The following PICALM variants were observed in gnomAD, a reference collection of about 807,000 sequenced individuals.
The protein encoded by PICALM is phosphatidylinositol-binding clathrin assembly protein.
PICALM carries 40 observed loss-of-function variants against 80.5 expected under a neutral mutation model. The observed-to-expected ratio is 0.50, with a 90% confidence interval of 0.39 to 0.65. The LOEUF is 0.65. Ranked by LOEUF, PICALM falls within the 30% of genes least tolerant of loss-of-function variation. The pLI is 0.00. For synonymous variants in PICALM, 288 were observed against 260.3 expected, an observed-to-expected ratio of 1.11 and a Z score of -1.02; for missense variants, 676 against 778.9, an observed-to-expected ratio of 0.87 and a Z score of 1.57.
chr11:86,000,573 G>C, intron 11 of PICALM, 70 bp downstream of exon 11: 2 of 1,324,232 alleles, frequency 1.5e-6, no homozygotes, highest in Non-Finnish European at 2.1e-6. Flanking sequence ...AACCTGAAAA[G>C]TTCTGCAAAA....
intron 1 of PICALM, among the ~76,000 whole-genome samples, chr11:86,059,304 G>A (rs2096318851): frequency 6.6e-6 from 1 of 152,130 alleles, no homozygotes; most frequent in Non-Finnish European, 1.5e-5. Context: ...GAACAATACC[G>A]AAAACAATTC....
At position 85,957,780 on chromosome 11, in the gene PICALM, C is replaced by T. The variant is rs540314632; in HGVS notation, c.*1266G>A. 7.8e-5 allele frequency: 17 copies of T among 217,814 alleles called. No homozygotes were observed. Among genetic ancestry groups the T allele is most frequent in the Admixed American group, 7.0e-4 (12 of 17,230 alleles). 13.5% of individuals were successfully genotyped at this position (217,814 alleles called of 1,614,324 possible). A position where few individuals can be genotyped will look rare whatever the true frequency, so the allele number is the denominator to read the frequency against. On this transcript the variant is annotated 3_prime_UTR_variant, in exon 20 of 20. Coordinates refer to ENST00000393346, the MANE Select transcript of PICALM (RefSeq NM_007166.4). ...AATAGAATCTGCAGAGACAATGCAACAAGAATGCTTAAACTCATGTACAGA... is the reference window on the plus strand; with the variant it reads ...AATAGAATCTGCAGAGACAATGCAATAAGAATGCTTAAACTCATGTACAGA...
chr11:86,017,867 T>C (rs1263298967), intron 4 of PICALM, among the ~76,000 whole-genome samples: 1 of 152,202 alleles, frequency 6.6e-6, no homozygotes. Flanking sequence ...GCATCAGGTA[T>C]GTAACCCACT....
intron 17 of PICALM, among the ~76,000 whole-genome samples, chr11:85,979,048 TCAACTGCTTTG>T (rs2094361500): frequency 6.6e-6 from 1 of 152,172 alleles, no homozygotes. Flanking sequence ...AATCTGCTTT[TCAACTGCTTTG>T]CACTTAGGGA....
rs776223806 is a variant in PICALM, at chr11:86,007,626, T to C, written c.766-43A>G. ...TATTTAATAAATTATAATAAAAATA[T>C]TTTATAAATAAAATTTGGAAAAATG... On this transcript the variant is annotated intron_variant, in intron 7 of 19. Transcript: ENST00000393346. 23 of 914,660 alleles carry C rather than the reference T, an allele frequency of 2.5e-5. 1 individual carries two copies. Among genetic ancestry groups the C allele is most frequent in the Admixed American group, 8.3e-5 (3 of 36,090 alleles). 56.7% of individuals were successfully genotyped at this position (914,660 alleles called of 1,614,324 possible).
intron 1 of PICALM, among the ~76,000 whole-genome samples, chr11:86,063,925 G>A (rs750127162): frequency 6.6e-6 from 1 of 151,334 alleles, no homozygotes; most frequent in Non-Finnish European, 1.5e-5. Flanking sequence ...AAGATATCCT[G>A]GGACAGATCT....
At chr11:86,008,945 A>G (rs1467515912) in intron 7 of PICALM, among the ~76,000 whole-genome samples, 2 of 142,946 alleles carry the variant, frequency 1.4e-5, no homozygotes, top group African/African-American at 5.1e-5. Context: ...AGGAAAAAAA[A>G]AAAAGCCAAA....
chr11:86,066,594 T>C (rs1369513199), intron 1 of PICALM, among the ~76,000 whole-genome samples: 1 of 152,164 alleles, frequency 6.6e-6, no homozygotes, highest in East Asian at 1.9e-4. Context: ...TCTCCTCTTT[T>C]TGACAATGCT....
chr11:85,997,292 C>T lies in PICALM; in HGVS notation c.1155-363G>A, dbSNP rs560254573. Among the ~76,000 whole-genome samples the T allele has an allele frequency of 5.9e-5, 9 of 152,210 alleles. No homozygotes were observed. In the South Asian group the frequency reaches 1.9e-3, roughly 32 times the overall value. On this transcript the variant is annotated intron_variant, in intron 11 of 19. Transcript: ENST00000393346. ...TATTTTTAATAAAACTCTTTTCTTA[C>T]TTTTAATATTCACAGAACTTGAATC...
chr11:86,020,108 C>G (rs1043383631), intron 4 of PICALM, among the ~76,000 whole-genome samples: 2 of 152,076 alleles, frequency 1.3e-5, no homozygotes, highest in Non-Finnish European at 2.9e-5. Context: ...ATTCATGTGA[C>G]TGGATCATGT....
At chr11:85,980,900 A>T (rs1461702869) in intron 17 of PICALM, among the ~76,000 whole-genome samples, 2 of 152,224 alleles carry the variant, frequency 1.3e-5, no homozygotes, top group African/African-American at 4.8e-5. Context: ...AAACATTATT[A>T]TTTACTGGAA....
intron 1 of PICALM, among the ~76,000 whole-genome samples, chr11:86,045,519 CAAAAAAAA>C (rs71040207): frequency 0.12 from 5,802 of 47,818 alleles, 263 homozygotes; most frequent in African/African-American, 0.21. Flanking sequence ...TCTTGAAATT[CAAAAAAAA>C]AAAAAAAAAA....
At chr11:85,967,289 C>T (rs1331587896) in intron 19 of PICALM, among the ~76,000 whole-genome samples, 1 of 152,156 alleles carries the variant, frequency 6.6e-6, no homozygotes, top group Admixed American at 6.5e-5. Context: ...CACTGATGTT[C>T]GTCATGAAGA....
At chr11:86,046,738 G>A (rs1277646810) in intron 1 of PICALM, among the ~76,000 whole-genome samples, 1 of 152,166 alleles carries the variant, frequency 6.6e-6, no homozygotes, top group Non-Finnish European at 1.5e-5. Flanking sequence ...AATAAAGACA[G>A]GGTCTTACTC....
chr11:85,975,159 ACT>A (rs1324758921), intron 18 of PICALM, among the ~76,000 whole-genome samples: 2 of 152,138 alleles, frequency 1.3e-5, no homozygotes, highest in East Asian at 1.9e-4. Flanking sequence ...AAAACTTAAG[ACT>A]CTGTCTTCGC....
At chr11:85,997,001 C>A in intron 11 of PICALM, 72 bp from the exon 12 acceptor site, 2 of 782,454 alleles carry the variant, frequency 2.6e-6, no homozygotes, top group East Asian at 2.6e-5. Context: ...CCTTCTCCAC[C>A]CACCACAGAT....
At chr11:86,000,504 T>C in intron 11 of PICALM, 139 bp downstream of exon 11, 1 of 602,122 alleles carries the variant, frequency 1.7e-6, no homozygotes, top group South Asian at 2.5e-5. Flanking sequence ...ATTATACCAA[T>C]ATCACCATTT....
intron 3 of PICALM, among the ~76,000 whole-genome samples, chr11:86,024,255 A>C (rs2095613199): frequency 6.6e-6 from 1 of 152,008 alleles, no homozygotes; most frequent in Non-Finnish European, 1.5e-5. Flanking sequence ...TCTTGTTAAA[A>C]TATAATGCAT....
chr11:85,959,022 G>A lies in PICALM; in HGVS notation c.*24C>T, dbSNP rs753228147. 27 of 1,579,626 alleles carry A rather than the reference G, an allele frequency of 1.7e-5. No homozygotes were observed. In the Admixed American group the frequency reaches 2.1e-4, roughly 12 times the overall value. ...CTGCTTGAGCACTTGTCTTTTTGGA[G>A]TAATTCCATTTTCTTCCATCAAGTT... On this transcript the variant is annotated 3_prime_UTR_variant, in exon 20 of 20. Transcript: ENST00000393346.
Sources: gnomAD v4.1 joint callset for allele counts (sites outside exome capture counted in the v4.1 genomes callset) on GRCh38, gnomAD v4.1.1 for gene constraint, MANE v1.5 for transcripts, NCBI Gene and HGNC (gene_info 2026-07-23, HGNC 2026-07-21) for gene names.